Variants in ERC2 observed in about 807,000 individuals in gnomAD.
ERC2 encodes ELKS/RAB6-interacting/CAST family member 2, also known as ERC protein 2.
Under a neutral mutation model 114.8 loss-of-function variants are expected in ERC2, and 42 were observed. The ratio of observed to expected loss-of-function variants is 0.37; its 90% CI spans 0.29 to 0.47. The LOEUF (loss-of-function observed/expected upper bound fraction) is 0.47, where lower values mean the gene tolerates loss of function less well. Ranked by LOEUF, ERC2 falls within the 20% of genes least tolerant of loss-of-function variation. The probability of loss-of-function intolerance (pLI) is 0.99; values close to 1 mark genes in which losing one functional copy is unlikely to be tolerated. For missense variants in ERC2, 939 were observed against 1,150.7 expected (o/e 0.82, Z 2.66); for synonymous variants, 454 against 425.5 (o/e 1.07, Z -0.82).
At chr3:56,289,053 T>A (rs2054909490) in intron 3 of ERC2, among the ~76,000 whole-genome samples, 1 of 152,006 alleles carries the variant, frequency 6.6e-6, no homozygotes, top group Non-Finnish European at 1.5e-5. Flanking sequence ...GGGCAGAACG[T>A]CACAATCATT....
chr3:56,306,698 T>C (rs1323979749), intron 2 of ERC2, among the ~76,000 whole-genome samples: 1 of 152,152 alleles, frequency 6.6e-6, no homozygotes, highest in Non-Finnish European at 1.5e-5. Flanking sequence ...TTTGTACCTA[T>C]CCAACAGCAT....
At chr3:56,360,890 AGAGT>A (rs1340997796) in intron 2 of ERC2, among the ~76,000 whole-genome samples, 1 of 152,208 alleles carries the variant, frequency 6.6e-6, no homozygotes, top group African/African-American at 2.4e-5. Flanking sequence ...CCTGGGTGAC[AGAGT>A]GAGACTCCAT....
At chr3:56,245,572 T>A (rs906579584) in intron 3 of ERC2, among the ~76,000 whole-genome samples, 32 of 151,968 alleles carry the variant, frequency 2.1e-4, no homozygotes, top group African/African-American at 5.3e-4. Context: ...GATTATTATT[T>A]TTTTTTTTGA....
chr3:55,714,665 GTGTATATATATATATATATATATATATA>G (rs1187704395), intron 15 of ERC2, among the ~76,000 whole-genome samples: 2 of 36,676 alleles, frequency 5.5e-5, no homozygotes, highest in African/African-American at 2.3e-4. Context: ...GTGTGTGTGT[GTGTATATATATATATATATATATATATA>G]TATATATATA....
chr3:55,851,500 T>C (rs1485882795), intron 14 of ERC2, among the ~76,000 whole-genome samples: 1 of 152,204 alleles, frequency 6.6e-6, no homozygotes, highest in Non-Finnish European at 1.5e-5. Context: ...CTGGCTTGCG[T>C]GCCCAACCCA....
chr3:55,929,487 T>C (rs1389291570), intron 13 of ERC2, among the ~76,000 whole-genome samples: 7 of 152,234 alleles, frequency 4.6e-5, no homozygotes, highest in Non-Finnish European at 7.3e-5. Context: ...CCACTTTTAT[T>C]TCATTCCTGT....
At chr3:56,076,433 T>C (rs1295932573) in intron 7 of ERC2, among the ~76,000 whole-genome samples, 1 of 152,138 alleles carries the variant, frequency 6.6e-6, no homozygotes, top group Admixed American at 6.6e-5. Context: ...TCAGGTTTTA[T>C]GACATTTCCT....
chr3:56,300,206 GA>G (rs1193045403), intron 2 of ERC2, among the ~76,000 whole-genome samples: 13 of 149,038 alleles, frequency 8.7e-5, no homozygotes, highest in African/African-American at 3.0e-4. Flanking sequence ...GAGCAGAGGA[GA>G]ATGGAGGGAA....
intron 10 of ERC2, among the ~76,000 whole-genome samples, chr3:55,992,813 G>A (rs921215477): frequency 5.3e-5 from 8 of 152,164 alleles, no homozygotes; most frequent in African/African-American, 1.9e-4. Flanking sequence ...TTGGAGGTGA[G>A]GAAGGGCTTT....
At chr3:56,200,799 A>C (rs2048363984) in intron 3 of ERC2, among the ~76,000 whole-genome samples, 1 of 152,232 alleles carries the variant, frequency 6.6e-6, no homozygotes, top group Admixed American at 6.5e-5. Context: ...CATTAAAAGA[A>C]ATTATGTCGG....
rs558130088 is a variant in ERC2, at chr3:56,267,328, A to G, written c.1074+28691T>C. 1.4e-4 allele frequency among the ~76,000 whole-genome samples: 22 copies of G among 152,376 alleles called. 1 individual carries two copies. The South Asian group carries it at 4.3e-3, about 30-fold the overall frequency. ...TATTTGGGTCAACGTGGGTGAAGCT[A>G]TAAGACATTATGCTAACTGAAATAA... On this transcript the variant is annotated intron_variant, in intron 3 of 17. Transcript: ENST00000288221.
chr3:55,934,475 T>G (rs997810125), intron 13 of ERC2, among the ~76,000 whole-genome samples: 1 of 152,226 alleles, frequency 6.6e-6, no homozygotes, highest in African/African-American at 2.4e-5. Context: ...GCTAGTCTTC[T>G]TATCCCCATT....
At chr3:55,811,995 C>T (rs7625795) in intron 14 of ERC2, among the ~76,000 whole-genome samples, 4,579 of 152,236 alleles carry the variant, frequency 0.03, 228 homozygotes, top group African/African-American at 0.1. Flanking sequence ...ATCAGCTGCT[C>T]ATCCTGATGC....
chr3:55,820,114 C>T (rs1040068656), intron 14 of ERC2, among the ~76,000 whole-genome samples: 3 of 152,126 alleles, frequency 2.0e-5, no homozygotes, highest in African/African-American at 7.2e-5. Flanking sequence ...GCTGAGCATT[C>T]AGGAGTAAGT....
rs2072842783 is a variant in ERC2 at position 56,010,584 on chromosome 3, T to C, written c.1785A>G (p.Arg595=). Residue 595 remains arginine (R), a synonymous_variant, in exon 9 of 18, where the codon AGA becomes AGG. Transcript: ENST00000288221. ...TLEEALSEKE[R]IIERLKEQRE... ...GCTGTTCTTTCAAGCGCTCAATTATTCTCTCCTGTAAGGCAATTAACAAAA... is the reference window on the plus strand; with the variant it reads ...GCTGTTCTTTCAAGCGCTCAATTATCCTCTCCTGTAAGGCAATTAACAAAA... 6.2e-7 allele frequency: 1 copy of C among 1,612,740 alleles called. No individual in the cohort carries two copies. The highest frequency in any genetic ancestry group is 8.5e-7 in the Non-Finnish European group (1 of 1,179,574).
intron 17 of ERC2, among the ~76,000 whole-genome samples, chr3:55,641,335 A>G (rs1471144255): frequency 6.6e-6 from 1 of 152,150 alleles, no homozygotes; most frequent in Non-Finnish European, 1.5e-5. Flanking sequence ...AGACCTCCTG[A>G]GGTAAGGAGT....
intron 1 of ERC2, among the ~76,000 whole-genome samples, chr3:56,446,616 TTTTTTTTTCTTTC>T (rs918905538): frequency 3.5e-5 from 4 of 114,848 alleles, no homozygotes; most frequent in African/African-American, 1.5e-4. Context: ...TTCTTCTTTT[TTTTTTTTTCTTTC>T]TTTTTTTTTT....
In ERC2 at chr3:55,832,191, A is replaced by G. The variant is rs188934257; in HGVS notation, c.2564+56198T>C. Among the ~76,000 whole-genome samples the G allele has an allele frequency of 1.7e-3, 266 of 152,370 alleles. 3 individuals are homozygous for G. The highest frequency in any genetic ancestry group is 5.9e-3 in the African/African-American group (246 of 41,590). On this transcript the variant is annotated intron_variant, in intron 14 of 17. Transcript: ENST00000288221. ...CTCTGGGGGCAGGGCACGGACAAAC[A>G]AAAAGACAGCAGTAACCTCTGCAGA...
In ERC2 at chr3:56,434,491, T is replaced by TG; in HGVS notation, c.516dup (p.Ser173GlnfsTer11). On this transcript the variant is annotated frameshift_variant, in exon 2 of 18. Coordinates refer to ENST00000288221, the MANE Select transcript of ERC2 (RefSeq NM_015576.3). LOFTEE classifies it high-confidence loss of function. ...CTGTTCATGGAAGATCCCAATTTGC[T>TG]GTCCTTGATGTCTAGCTCTTTCCGG... The TG allele has an allele frequency of 6.2e-7, 1 of 1,614,050 alleles. No individual in the cohort carries two copies. Among genetic ancestry groups the TG allele is most frequent in the Non-Finnish European group, 8.5e-7 (1 of 1,179,900 alleles).
Sources: allele counts gnomAD v4.1 joint callset (sites outside exome capture counted in the v4.1 genomes callset), GRCh38; gene constraint gnomAD v4.1.1; transcripts MANE v1.5; gene names NCBI Gene and HGNC (gene_info 2026-07-23, HGNC 2026-07-21).